The following ARF1 variants were observed in gnomAD, a reference collection of about 807,000 sequenced individuals.
The protein encoded by ARF1 is ARF GTPase 1.
ARF1 carries 1 observed loss-of-function variant against 18.0 expected under a neutral mutation model. The observed-to-expected ratio is 0.06, with a 90% confidence interval of 0.02 to 0.26. The LOEUF (loss-of-function observed/expected upper bound fraction) is 0.26, where lower values mean the gene tolerates loss of function less well. Ranked by LOEUF, ARF1 falls within the 10% of genes least tolerant of loss-of-function variation. The probability of loss-of-function intolerance (pLI) is 1.00; values close to 1 mark genes in which losing one functional copy is unlikely to be tolerated. For missense variants in ARF1, 73 were observed against 247.2 expected (o/e 0.30, Z 4.73); for synonymous variants, 112 against 96.3 (o/e 1.16, Z -0.95).
chr1:228,093,715 G>A (rs1186179756), intron 1 of ARF1, among the ~76,000 whole-genome samples: 3 of 151,854 alleles, frequency 2.0e-5, no homozygotes, highest in Admixed American at 2.0e-4. Flanking sequence ...CTGAGGTCAG[G>A]GGTTCGAGGC....
intron 1 of ARF1, among the ~76,000 whole-genome samples, chr1:228,088,502 C>T (rs927216121): frequency 6.6e-6 from 1 of 152,134 alleles, no homozygotes; most frequent in Non-Finnish European, 1.5e-5. Context: ...GTCTGATGTC[C>T]CAGACCTGTT....
chr1:228,089,340 TGCAAGG>T lies in ARF1; in HGVS notation c.-38+6578_-38+6583del, dbSNP rs1343122197. 6.6e-6 allele frequency among the ~76,000 whole-genome samples: 1 copy of T among 152,148 alleles called. No individual in the cohort carries two copies. Among genetic ancestry groups the T allele is most frequent in the Admixed American group, 6.5e-5 (1 of 15,282 alleles). ...AGTGCCTCCAGAAGCGAGGATTTCC[TGCAAGG>T]GCGGTGGCCTCCCAGGGTCTGTGGG... On this transcript the variant is annotated intron_variant, in intron 1 of 4. Coordinates refer to ENST00000272102, the MANE Select transcript of ARF1 (RefSeq NM_001658.4). The surrounding 1 kb of genome is among the most constrained non-coding windows in gnomAD (Gnocchi z 4.1).
chr1:228,085,244 G>C (rs1032065830), intron 1 of ARF1, among the ~76,000 whole-genome samples: 4 of 152,230 alleles, frequency 2.6e-5, no homozygotes, highest in Non-Finnish European at 5.9e-5. Flanking sequence ...GCCCCTTCAT[G>C]TTGGGATTCC....
At chr1:228,084,322 TGTGTTGTCC>T (rs1379716345) in intron 1 of ARF1, among the ~76,000 whole-genome samples, 2 of 152,204 alleles carry the variant, frequency 1.3e-5, no homozygotes, top group Admixed American at 1.3e-4. Context: ...ATTGTTAGAG[TGTGTTGTCC>T]ATGTTTTCAC....
chr1:228,095,241 T>C (rs1180718311), intron 1 of ARF1, among the ~76,000 whole-genome samples: 1 of 145,842 alleles, frequency 6.9e-6, no homozygotes, highest in Non-Finnish European at 1.5e-5. Flanking sequence ...GGGTCTCTTA[T>C]GTTGGTGGCC....
At chr1:228,094,234 A>T (rs2124852733) in intron 1 of ARF1, among the ~76,000 whole-genome samples, 1 of 152,244 alleles carries the variant, frequency 6.6e-6, no homozygotes, top group East Asian at 1.9e-4. Context: ...GCCTCTGCCC[A>T]ACTGGCAGGC....
intron 1 of ARF1, among the ~76,000 whole-genome samples, chr1:228,083,804 C>G (rs903943136): frequency 6.6e-6 from 1 of 152,236 alleles, no homozygotes; most frequent in East Asian, 1.9e-4. Flanking sequence ...TCCGACGGCA[C>G]CTCCTGGCAC....
chr1:228,094,588 G>C (rs1400478970), intron 1 of ARF1, among the ~76,000 whole-genome samples: 1 of 152,086 alleles, frequency 6.6e-6, no homozygotes, highest in African/African-American at 2.4e-5. Context: ...TCCAGTCTGA[G>C]GGGGTTGGCT....
chr1:228,086,231 T>C (rs894612115), intron 1 of ARF1, among the ~76,000 whole-genome samples: 1 of 152,186 alleles, frequency 6.6e-6, no homozygotes, highest in Non-Finnish European at 1.5e-5. Flanking sequence ...TGAAACAGCA[T>C]GAGGCTGGGC....
chr1:228,085,416 A>G (rs1472510995), intron 1 of ARF1, among the ~76,000 whole-genome samples: 1 of 152,254 alleles, frequency 6.6e-6, no homozygotes, highest in Non-Finnish European at 1.5e-5. Flanking sequence ...GCGACTTGAC[A>G]GACATGTCCT....
intron 1 of ARF1, among the ~76,000 whole-genome samples, chr1:228,086,787 AT>A (rs1447104508): frequency 6.6e-6 from 1 of 152,198 alleles, no homozygotes; most frequent in African/African-American, 2.4e-5. Flanking sequence ...ACTCTAGCAA[AT>A]TAATTGAACC....
intron 1 of ARF1, among the ~76,000 whole-genome samples, chr1:228,083,913 G>C (rs951368968): frequency 6.6e-6 from 1 of 152,272 alleles, no homozygotes; most frequent in Non-Finnish European, 1.5e-5. Context: ...GGAGGCTTTG[G>C]ATGGTCCCCG....
Position 228,097,376 on chromosome 1 carries a change from C to T in ARF1, c.183C>T (p.Ile61=), listed in dbSNP as rs765917983. 6.2e-7 allele frequency: 1 copy of T among 1,614,200 alleles called. No homozygotes were observed. Among genetic ancestry groups the T allele is most frequent in the Non-Finnish European group, 8.5e-7 (1 of 1,180,028 alleles). ...FNVETVEYKN[I]SFTVWDVGGQ... is the part of the protein sequence containing the mutation. ...TGGAAACCGTGGAGTACAAGAACAT[C>T]AGCTTCACTGTGTGGGACGTGGGTG... is the stretch of plus-strand genomic sequence containing the variant. Residue 61 remains isoleucine, a synonymous_variant, in exon 3 of 5, where the codon ATC becomes ATT. Transcript: ENST00000272102. The surrounding 1 kb of genome is among the most constrained non-coding windows in gnomAD (Gnocchi z 8.1).
rs202220531 is a variant in ARF1 at position 228,097,522 on chromosome 1, G to C, written c.260-69G>C. The C allele has an allele frequency of 1.7e-5, 27 of 1,613,724 alleles. No homozygotes were observed. The highest frequency in any genetic ancestry group is 2.2e-5 in the Non-Finnish European group (26 of 1,179,924). The stretch of plus-strand genomic sequence containing the variant: ...GAGGGGGGGCCAGCCCATAGATGGG[G>C]CATCGATGCCCATAGATGCGGCAGG... On this transcript the variant is annotated intron_variant, in intron 3 of 4. Coordinates refer to ENST00000272102, the MANE Select transcript of ARF1 (RefSeq NM_001658.4). The surrounding 1 kb of genome is among the most constrained non-coding windows in gnomAD (Gnocchi z 8.1).
chr1:228,090,794 C>T (rs2032554253), intron 1 of ARF1: 1 of 152,302 alleles, frequency 6.6e-6, no homozygotes, highest in South Asian at 2.1e-4. Context: ...GCCTTGTGCT[C>T]AGTGACAGAC....
In ARF1 at chr1:228,097,734, C is replaced by G; in HGVS notation, c.384+19C>G. The G allele has an allele frequency of 6.3e-7, 1 of 1,598,148 alleles. No homozygotes were observed. Among genetic ancestry groups the G allele is most frequent in the East Asian group, 2.2e-5 (1 of 44,760 alleles). On this transcript the variant is annotated intron_variant, in intron 4 of 4. Transcript: ENST00000272102. This position sits in a 1 kb window ranked among gnomAD's most constrained non-coding sequence, Gnocchi z 8.1. ...CAAGCAGGTAGGCGCCCGGGCCAGC[C>G]TGGGGAATGTGAGGAGCCAGTGTGG... is the stretch of plus-strand genomic sequence containing the variant.
rs1571844862 is a variant in ARF1, at chr1:228,097,482, A to G, written c.259+30A>G. 4.3e-6 allele frequency: 7 copies of G among 1,612,756 alleles called. No individual in the cohort carries two copies. The highest frequency in any genetic ancestry group is 1.7e-5 in the Admixed American group (1 of 59,942). ...GTGGCTGGGGCCTGGTCCCATGGGC[A>G]CTCCTGCTTCTAGAGAGGGGGGGCC... is the stretch of plus-strand genomic sequence containing the variant. On this transcript the variant is annotated intron_variant, in intron 3 of 4. Transcript: ENST00000272102. The surrounding 1 kb of genome is among the most constrained non-coding windows in gnomAD (Gnocchi z 8.1).
chr1:228,086,143 G>C (rs912706057), intron 1 of ARF1, among the ~76,000 whole-genome samples: 2 of 152,196 alleles, frequency 1.3e-5, no homozygotes, highest in African/African-American at 4.8e-5. Context: ...GCCTTCAGTA[G>C]TTAACAGCAT....
intron 1 of ARF1, chr1:228,088,078 G>T (rs1336459821): frequency 6.6e-6 from 1 of 152,326 alleles, no homozygotes; most frequent in Non-Finnish European, 1.5e-5. Flanking sequence ...TCTGGGCAAA[G>T]GAAGCCCTGC....
Sources: gnomAD v4.1 joint callset for allele counts (sites outside exome capture counted in the v4.1 genomes callset) on GRCh38, gnomAD v4.1.1 for gene constraint, Gnocchi (gnomAD v3.1) non-coding constraint, MANE v1.5 for transcripts, NCBI Gene and HGNC (gene_info 2026-07-23, HGNC 2026-07-21) for gene names.